Variants in ANGPT2 observed in about 807,000 individuals in gnomAD.
ANGPT2 encodes the protein angiopoietin 2, also known as angiopoietin-2.
ANGPT2 carries 28 observed loss-of-function variants against 62.9 expected under a neutral mutation model. The ratio of observed to expected loss-of-function variants is 0.44; its 90% CI spans 0.33 to 0.61. The LOEUF (loss-of-function observed/expected upper bound fraction) is 0.61. Ranked by LOEUF, ANGPT2 falls within the 20% of genes least tolerant of loss-of-function variation. ANGPT2 has a pLI of 0.03. For missense variants in ANGPT2, 727 were observed against 594.9 expected (o/e 1.22, Z -2.31); for synonymous variants, 284 against 207.8 (o/e 1.37, Z -3.15).
intron 1 of ANGPT2, among the ~76,000 whole-genome samples, chr8:6,558,630 T>C (rs567380882): frequency 6.6e-6 from 1 of 152,316 alleles, no homozygotes; most frequent in African/African-American, 2.4e-5. Flanking sequence ...CAGAGTTCAG[T>C]ATTTAGACTA....
Position 6,521,224 on chromosome 8 carries a change from G to C in ANGPT2, c.753C>G (p.Leu251=), listed in dbSNP as rs1189015574. 1.9e-6 allele frequency: 3 copies of C among 1,613,898 alleles called. No homozygotes were observed. In the South Asian group the frequency reaches 3.3e-5, roughly 18 times the overall value. Residue 251 remains leucine, a synonymous_variant, in exon 4 of 9, where the codon CTC becomes CTG. Coordinates refer to ENST00000629816, the MANE Select transcript of ANGPT2 (RefSeq NM_001118887.2). The part of the protein sequence containing the change: ...NSVLQKQQHD[L]METVNNLLTM... ...TCAGTAAGTTATTAACTGTCTCCAT[G>C]AGATCATGTTGCTGCTTCTGAAGAA...
At chr8:6,544,698 A>G (rs934321968) in intron 1 of ANGPT2, among the ~76,000 whole-genome samples, 1 of 152,208 alleles carries the variant, frequency 6.6e-6, no homozygotes, top group Non-Finnish European at 1.5e-5. Context: ...ATTTTTACAG[A>G]AAATGGCACT....
intron 8 of ANGPT2, among the ~76,000 whole-genome samples, chr8:6,505,407 TATTCTTTATATACATAAA>T (rs1813305281): frequency 3.0e-5 from 2 of 67,526 alleles, no homozygotes; most frequent in African/African-American, 9.8e-5. Flanking sequence ...AGAATATATA[TATTCTTTATATACATAAA>T]GAATATATAT....
chr8:6,519,586 C>A (rs1816915402), intron 5 of ANGPT2, among the ~76,000 whole-genome samples: 1 of 152,178 alleles, frequency 6.6e-6, no homozygotes, highest in Non-Finnish European at 1.5e-5. Context: ...TGACAGTATG[C>A]ATTATTCAAG....
At chr8:6,536,661 G>C (rs1042478505) in intron 1 of ANGPT2, among the ~76,000 whole-genome samples, 4 of 152,106 alleles carry the variant, frequency 2.6e-5, no homozygotes, top group African/African-American at 9.7e-5. Flanking sequence ...CCATCATATA[G>C]TATAAAAATG....
intron 1 of ANGPT2, among the ~76,000 whole-genome samples, chr8:6,533,646 T>C (rs958544741): frequency 6.7e-6 from 1 of 148,990 alleles, no homozygotes; most frequent in Admixed American, 6.8e-5. Context: ...AAGTATAAGC[T>C]CGTGAGTGCA....
intron 8 of ANGPT2, among the ~76,000 whole-genome samples, chr8:6,503,601 A>G (rs1812637770): frequency 6.6e-6 from 1 of 152,220 alleles, no homozygotes; most frequent in South Asian, 2.1e-4. Context: ...GCACAGTTGG[A>G]AAACTCTCCT....
At chr8:6,549,035 C>T (rs1823113347) in intron 1 of ANGPT2, among the ~76,000 whole-genome samples, 1 of 152,212 alleles carries the variant, frequency 6.6e-6, no homozygotes, top group Admixed American at 6.5e-5. Context: ...ACCAAGACCA[C>T]TCAGCGTATT....
chr8:6,505,910 TTATA>T (rs1813585246), intron 8 of ANGPT2, among the ~76,000 whole-genome samples: 1 of 97,976 alleles, frequency 1.0e-5, no homozygotes, highest in Admixed American at 9.8e-5. Context: ...TACATATTCT[TTATA>T]TATGTATATA....
chr8:6,541,138 C>G (rs1821483239), intron 1 of ANGPT2, among the ~76,000 whole-genome samples: 2 of 152,168 alleles, frequency 1.3e-5, no homozygotes, highest in Non-Finnish European at 2.9e-5. Flanking sequence ...TCTGAGATGT[C>G]CTGAAGAGCA....
At chr8:6,507,433 T>G (rs1813967450) in intron 8 of ANGPT2, 1 of 152,214 alleles carries the variant, frequency 6.6e-6, no homozygotes, top group African/African-American at 2.4e-5. Flanking sequence ...TGTTGCTACT[T>G]TAAATCTTTC....
chr8:6,518,088 G>A (rs1448295491), intron 5 of ANGPT2, among the ~76,000 whole-genome samples: 1 of 152,148 alleles, frequency 6.6e-6, no homozygotes, highest in East Asian at 1.9e-4. Context: ...TGGGGGCCAT[G>A]GGGTGGGACA....
chr8:6,512,999 A>G (rs1815481075), intron 7 of ANGPT2, among the ~76,000 whole-genome samples: 1 of 152,232 alleles, frequency 6.6e-6, no homozygotes, highest in African/African-American at 2.4e-5. Context: ...AACCTTTTGG[A>G]ATAAAACAGC....
intron 1 of ANGPT2, among the ~76,000 whole-genome samples, chr8:6,541,773 G>A (rs1414521195): frequency 6.6e-6 from 1 of 152,172 alleles, no homozygotes; most frequent in African/African-American, 2.4e-5. Context: ...GGGGGCCAAG[G>A]TAGGAGGATC....
chr8:6,504,272 C>G (rs892993348), intron 8 of ANGPT2, among the ~76,000 whole-genome samples: 1 of 143,078 alleles, frequency 7.0e-6, no homozygotes, highest in Non-Finnish European at 1.5e-5. Flanking sequence ...GAGCCGAGAT[C>G]GCGCCACTGC....
chr8:6,528,974 G>A (rs922085617), intron 2 of ANGPT2, among the ~76,000 whole-genome samples: 6 of 152,188 alleles, frequency 3.9e-5, no homozygotes, highest in South Asian at 2.1e-4. Flanking sequence ...TTTGGCCTAC[G>A]TCTTCTTTGA....
chr8:6,553,155 G>A (rs914565537), intron 1 of ANGPT2, among the ~76,000 whole-genome samples: 1 of 152,140 alleles, frequency 6.6e-6, no homozygotes, highest in African/African-American at 2.4e-5. Flanking sequence ...CACCACTCTG[G>A]TGCAGGATGT....
intron 7 of ANGPT2, among the ~76,000 whole-genome samples, chr8:6,510,970 G>C (rs997477674): frequency 6.6e-6 from 1 of 152,174 alleles, no homozygotes; most frequent in Non-Finnish European, 1.5e-5. Flanking sequence ...ACTCATCTCT[G>C]TTGGGATTTT....
chr8:6,538,364 C>T (rs1457598569), intron 1 of ANGPT2, among the ~76,000 whole-genome samples: 1 of 152,346 alleles, frequency 6.6e-6, no homozygotes, highest in East Asian at 1.9e-4. Flanking sequence ...GCCACGCATC[C>T]CCCAGCTGCT....
Sources: allele counts gnomAD v4.1 joint callset (sites outside exome capture counted in the v4.1 genomes callset), GRCh38; gene constraint gnomAD v4.1.1; transcripts MANE v1.5; gene names NCBI Gene and HGNC (gene_info 2026-07-23, HGNC 2026-07-21).